The following RNLS variants were observed in gnomAD, a reference collection of about 807,000 sequenced individuals.
The protein encoded by RNLS is renalase, FAD dependent amine oxidase.
RNLS carries 39 observed loss-of-function variants against 39.8 expected under a neutral mutation model. That is an observed-to-expected ratio of 0.98 (90% CI 0.76 to 1.28). The LOEUF is 1.28. Among genes scored for constraint, RNLS ranks in the 50% most tolerant of loss-of-function variants. The pLI, the probability that RNLS is intolerant of heterozygous loss-of-function variation, is 0.00. For synonymous variants in RNLS, 147 were observed against 150.7 expected, an observed-to-expected ratio of 0.98 and a Z score of 0.18; for missense variants, 410 against 413.3, an observed-to-expected ratio of 0.99 and a Z score of 0.07.
At chr10:88,434,725 G>T (rs1367385941) in intron 4 of RNLS, among the ~76,000 whole-genome samples, 3 of 152,062 alleles carry the variant, frequency 2.0e-5, no homozygotes, top group African/African-American at 7.2e-5. Context: ...TAGCATCAGA[G>T]GATTTGGTTA....
intron 4 of RNLS, among the ~76,000 whole-genome samples, chr10:88,480,444 G>A (rs1052184219): frequency 5.9e-5 from 9 of 151,952 alleles, no homozygotes; most frequent in East Asian, 5.8e-4. Flanking sequence ...TTTTTGAGAC[G>A]GAGTCTCACT....
intron 5 of RNLS, among the ~76,000 whole-genome samples, chr10:88,323,444 A>C (rs533548385): frequency 1.3e-5 from 2 of 152,296 alleles, no homozygotes; most frequent in South Asian, 4.1e-4. Context: ...CACAGAAATA[A>C]ATCCATATAC....
the RNLS span, among the ~76,000 whole-genome samples, chr10:88,207,458 A>G: frequency 6.6e-6 from 1 of 152,182 alleles, no homozygotes; most frequent in Non-Finnish European, 1.5e-5. Flanking sequence ...GGGGAATGCA[A>G]ATTAAAACCA....
At position 88,427,777 on chromosome 10, in the gene RNLS, C is replaced by T. The variant is rs1854880338; in HGVS notation, c.527-65052G>A. Among the ~76,000 whole-genome samples the T allele has an allele frequency of 2.0e-5, 3 of 151,986 alleles. No homozygotes were observed. In the South Asian group the frequency reaches 6.2e-4, roughly 31 times the overall value. On this transcript the variant is annotated intron_variant, in intron 4 of 6. Coordinates refer to ENST00000331772, the MANE Select transcript of RNLS (RefSeq NM_001031709.3). ...ATGTTGATTGGATATCTTCCATATG[C>T]TGTGCATTTGACATACTTTATAGTA...
At chr10:88,315,848 T>A (rs551144084) in intron 5 of RNLS, among the ~76,000 whole-genome samples, 1 of 151,718 alleles carries the variant, frequency 6.6e-6, no homozygotes, top group South Asian at 2.1e-4. Flanking sequence ...AATAACATAG[T>A]ACACATGAAA....
chr10:88,225,463 C>T, the RNLS span, among the ~76,000 whole-genome samples: 2 of 152,280 alleles, frequency 1.3e-5, no homozygotes, highest in East Asian at 3.9e-4. Flanking sequence ...ACCTATAATC[C>T]TAGCATTTGG....
At chr10:88,424,276 T>C (rs921221599) in intron 4 of RNLS, among the ~76,000 whole-genome samples, 1 of 152,160 alleles carries the variant, frequency 6.6e-6, no homozygotes, top group Admixed American at 6.6e-5. Flanking sequence ...AAAATGGAGA[T>C]AGCGGCTGAA....
chr10:88,507,471 T>C, intron 4 of RNLS, among the ~76,000 whole-genome samples: 1 of 152,132 alleles, frequency 6.6e-6, no homozygotes, highest in Non-Finnish European at 1.5e-5. Flanking sequence ...TCACAATCAT[T>C]TGTTCTTGAG....
the RNLS span, among the ~76,000 whole-genome samples, chr10:88,256,096 A>G: frequency 2.0e-3 from 303 of 152,340 alleles, no homozygotes; most frequent in African/African-American, 6.9e-3. Flanking sequence ...ATTCCAGGCA[A>G]ATGATTGGAT....
At chr10:88,193,503 C>G in the RNLS span, among the ~76,000 whole-genome samples, 135 of 152,272 alleles carry the variant, frequency 8.9e-4, no homozygotes, top group Non-Finnish European at 1.6e-3. Flanking sequence ...CCACCCTGTA[C>G]ATTTCTGCCT....
At chr10:88,450,506 A>G (rs2133892427) in intron 4 of RNLS, among the ~76,000 whole-genome samples, 1 of 152,234 alleles carries the variant, frequency 6.6e-6, no homozygotes, top group Non-Finnish European at 1.5e-5. Context: ...GAAGGTCCAT[A>G]AGTACTGAGA....
chr10:88,370,996 T>C (rs868703424), intron 4 of RNLS, among the ~76,000 whole-genome samples: 6 of 152,064 alleles, frequency 3.9e-5, no homozygotes, highest in Non-Finnish European at 8.8e-5. Context: ...CAGTTATATC[T>C]ATGTGGGATT....
At chr10:88,548,283 A>G (rs989668986) in intron 4 of RNLS, among the ~76,000 whole-genome samples, 1 of 140,010 alleles carries the variant, frequency 7.1e-6, no homozygotes, top group Non-Finnish European at 1.5e-5. Flanking sequence ...AAAAAAAAAA[A>G]AAAAAAAAAA....
chr10:88,447,462 G>A (rs1302872643), intron 4 of RNLS, among the ~76,000 whole-genome samples: 2 of 152,144 alleles, frequency 1.3e-5, no homozygotes, highest in African/African-American at 4.8e-5. Flanking sequence ...GGCTGTGAAG[G>A]ACCTCTTCAA....
intron 5 of RNLS, among the ~76,000 whole-genome samples, chr10:88,359,875 T>C (rs1589645428): frequency 6.6e-6 from 1 of 152,240 alleles, no homozygotes; most frequent in Non-Finnish European, 1.5e-5. Context: ...GATATGACTC[T>C]GCTATTTCTT....
intron 6 of RNLS, among the ~76,000 whole-genome samples, chr10:88,300,637 T>A (rs755775593): frequency 5.9e-5 from 9 of 152,186 alleles, no homozygotes; most frequent in Non-Finnish European, 1.2e-4. Flanking sequence ...CTGTACTATA[T>A]CAGGATTATG....
chr10:88,503,484 A>AT lies in RNLS; in HGVS notation c.526+69418dup, dbSNP rs148614580. Among the ~76,000 whole-genome samples the AT allele has an allele frequency of 8.6e-3, 1,307 of 152,278 alleles. 21 individuals carry two copies. Among genetic ancestry groups the AT allele is most frequent in the East Asian group, 0.033 (172 of 5,170 alleles). On this transcript the variant is annotated intron_variant, in intron 4 of 6. Coordinates refer to ENST00000331772, the MANE Select transcript of RNLS (RefSeq NM_001031709.3). ...GAAAGATGTAAGACAAACTACTCAA[A>AT]TTTTTTTAATATTGAATATAATTAT...
chr10:88,381,869 T>C (rs1193222133), intron 4 of RNLS, among the ~76,000 whole-genome samples: 2 of 147,596 alleles, frequency 1.4e-5, no homozygotes, highest in African/African-American at 2.5e-5. Flanking sequence ...TAATGGTCTT[T>C]AAATTTTTAA....
chr10:88,577,470 G>A (rs765491608), intron 3 of RNLS, among the ~76,000 whole-genome samples: 5 of 152,082 alleles, frequency 3.3e-5, no homozygotes, highest in Middle Eastern at 3.2e-3. Flanking sequence ...CTCATTCTTC[G>A]CATTAACAAA....
Sources: gnomAD v4.1 joint callset for allele counts (sites outside exome capture counted in the v4.1 genomes callset) on GRCh38, gnomAD v4.1.1 for gene constraint, MANE v1.5 for transcripts, NCBI Gene and HGNC (gene_info 2026-07-23, HGNC 2026-07-21) for gene names.